Variants in PPM1B observed in about 807,000 individuals in gnomAD.
PPM1B encodes protein phosphatase 1B.
In PPM1B, 22 loss-of-function variants were observed where a neutral mutation model predicts 43.0. That is an observed-to-expected ratio of 0.51 (90% confidence interval 0.37 to 0.73). The LOEUF is 0.73. PPM1B is among the 30% of genes least tolerant of loss of function. The pLI is 0.00. For synonymous variants in PPM1B, 217 were observed against 197.9 expected, an observed-to-expected ratio of 1.10 and a Z score of -0.81; for missense variants, 632 against 584.2, an observed-to-expected ratio of 1.08 and a Z score of -0.84.
At chr2:44,205,354 G>GGTGTGTGTGTCGGGGGGTGTGTGTGTGT (rs1553333036) in intron 2 of PPM1B, among the ~76,000 whole-genome samples, 46 of 91,816 alleles carry the variant, frequency 5.0e-4, no homozygotes, top group Admixed American at 2.9e-3. Flanking sequence ...TGTGGGTGTG[G>GGTGTGTGTGTCGGGGGGTGTGTGTGTGT]GTGTGTGTGT....
chr2:44,241,234 C>G (rs1311705264), intron 5 of PPM1B, among the ~76,000 whole-genome samples: 1 of 142,088 alleles, frequency 7.0e-6, no homozygotes, highest in Admixed American at 7.0e-5. Flanking sequence ...AACTCCCGAC[C>G]TCAGGTGATC....
intron 5 of PPM1B, among the ~76,000 whole-genome samples, chr2:44,240,344 C>G (rs924297172): frequency 1.4e-5 from 2 of 146,052 alleles, no homozygotes; most frequent in Admixed American, 1.4e-4. Context: ...ATGTTGCTCA[C>G]TCATTTTAAC....
At chr2:44,244,093 G>A (rs1670806018) in intron 5 of PPM1B, 1 of 240,088 alleles carries the variant, frequency 4.2e-6, no homozygotes, top group South Asian at 1.1e-4. Flanking sequence ...TGTGATGAGT[G>A]AACCCCCCTC....
chr2:44,245,027 A>G (rs115163399), downstream of PPM1B, among the ~76,000 whole-genome samples: 3,201 of 152,118 alleles, frequency 0.021, 103 homozygotes, highest in African/African-American at 0.073. Flanking sequence ...TTCACTATCA[A>G]CAATTTACGT....
downstream of PPM1B, among the ~76,000 whole-genome samples, chr2:44,237,216 G>A (rs538653164): frequency 6.6e-5 from 10 of 152,226 alleles, no homozygotes; most frequent in African/African-American, 2.4e-4. Context: ...TCAACTTTGG[G>A]AGTTATTTTG....
At chr2:44,187,961 A>G (rs1217770256) in intron 1 of PPM1B, among the ~76,000 whole-genome samples, 2 of 152,154 alleles carry the variant, frequency 1.3e-5, no homozygotes, top group Non-Finnish European at 2.9e-5. Flanking sequence ...CATGTTAGCC[A>G]GGATGGTCTC....
chr2:44,182,223 T>A (rs959170318), intron 1 of PPM1B, among the ~76,000 whole-genome samples: 1 of 152,122 alleles, frequency 6.6e-6, no homozygotes, highest in Non-Finnish European at 1.5e-5. Flanking sequence ...TCCAGACATA[T>A]GGGAAATACT....
chr2:44,215,967 C>G (rs1669700339), intron 3 of PPM1B, among the ~76,000 whole-genome samples: 1 of 152,074 alleles, frequency 6.6e-6, no homozygotes. Flanking sequence ...AGGGAATGTT[C>G]TTAGTGAGTG....
chr2:44,185,663 A>C (rs756523070), intron 1 of PPM1B, among the ~76,000 whole-genome samples: 3 of 152,194 alleles, frequency 2.0e-5, no homozygotes, highest in Non-Finnish European at 4.4e-5. Flanking sequence ...TTACTGAATA[A>C]ATTTGTTTTC....
intron 1 of PPM1B, among the ~76,000 whole-genome samples, chr2:44,190,903 G>C (rs1173371618): frequency 6.6e-6 from 1 of 151,204 alleles, no homozygotes; most frequent in East Asian, 1.9e-4. Context: ...GACATGAACT[G>C]TTGTTATATC....
At chr2:44,181,915 T>C (rs573363275) in intron 1 of PPM1B, among the ~76,000 whole-genome samples, 27 of 152,298 alleles carry the variant, frequency 1.8e-4, no homozygotes, top group Admixed American at 8.5e-4. Flanking sequence ...CCACTTCCCT[T>C]TTTCAGAGGG....
At chr2:44,246,009 C>G (rs1474757985), downstream of PPM1B, among the ~76,000 whole-genome samples, 1 of 152,170 alleles carries the variant, frequency 6.6e-6, no homozygotes, top group Non-Finnish European at 1.5e-5. Context: ...TTAACCCCAC[C>G]TATTAGGATG....
chr2:44,243,662 G>C (rs1476986153), intron 5 of PPM1B, among the ~76,000 whole-genome samples: 2 of 152,064 alleles, frequency 1.3e-5, no homozygotes, highest in South Asian at 2.1e-4. Flanking sequence ...ACATATTCAT[G>C]TATATGCTTG....
chr2:44,178,794 G>C (rs1572684356), intron 1 of PPM1B, among the ~76,000 whole-genome samples: 1 of 152,116 alleles, frequency 6.6e-6, no homozygotes, highest in South Asian at 2.1e-4. Context: ...TTTTAATTTA[G>C]TGCTGTCCTA....
chr2:44,240,136 G>A (rs1283339127), intron 5 of PPM1B, among the ~76,000 whole-genome samples: 1 of 145,562 alleles, frequency 6.9e-6, no homozygotes, highest in Non-Finnish European at 1.5e-5. Context: ...GCCTCCCAAA[G>A]TACTGGGAGT....
rs557429078 is a variant in PPM1B, at chr2:44,172,971, A to G, written c.-15+3697A>G. Among the ~76,000 whole-genome samples the G allele has an allele frequency of 8.8e-4, 134 of 152,328 alleles. 1 individual carries two copies. Among genetic ancestry groups the G allele is most frequent in the Non-Finnish European group, 1.7e-3 (118 of 68,030 alleles). ...GTCCATTTGATTTGAGATGATTGAC[A>G]CTTTTGAACATTTCCATCCATATTC... On this transcript the variant is annotated intron_variant, in intron 1 of 5. Coordinates refer to ENST00000282412, the MANE Select transcript of PPM1B (RefSeq NM_002706.6).
intron 3 of PPM1B, chr2:44,213,798 C>G (rs1669594436): frequency 6.6e-6 from 1 of 151,964 alleles, no homozygotes; most frequent in Admixed American, 6.6e-5. Flanking sequence ...CGGTCATATT[C>G]CTATTGATAA....
downstream of PPM1B, chr2:44,233,340 A>C: frequency 2.0e-6 from 2 of 982,342 alleles, no homozygotes; most frequent in Non-Finnish European, 2.4e-6. Flanking sequence ...GTAACTTTTC[A>C]TTTTATAACA....
downstream of PPM1B, chr2:44,234,083 A>G: frequency 5.2e-6 from 5 of 968,000 alleles, no homozygotes; most frequent in Non-Finnish European, 6.1e-6. Context: ...ACTATTTGGT[A>G]TGATTCAGTT....
Sources: gnomAD v4.1 joint callset for allele counts (sites outside exome capture counted in the v4.1 genomes callset) on GRCh38, gnomAD v4.1.1 for gene constraint, MANE v1.5 for transcripts, NCBI Gene and HGNC (gene_info 2026-07-23, HGNC 2026-07-21) for gene names.